LRRC37A: variants seen among roughly 807,000 people sequenced by gnomAD.
The protein encoded by LRRC37A is leucine-rich repeat-containing protein 37A.
Under a neutral mutation model 35.4 loss-of-function variants are expected in LRRC37A, and 3 were observed. The observed-to-expected ratio is 0.08, with a 90% CI of 0.04 to 0.22. LRRC37A has a LOEUF of 0.22. Ranked by LOEUF, LRRC37A falls within the 10% of genes least tolerant of loss-of-function variation. The probability of loss-of-function intolerance (pLI) is 1.00; values close to 1 mark genes in which losing one functional copy is unlikely to be tolerated. For missense variants in LRRC37A, 67 were observed against 565.3 expected (o/e 0.12, Z 8.94); for synonymous variants, 23 against 215.0 (o/e 0.11, Z 7.81).
intron 7 of LRRC37A, among the ~76,000 whole-genome samples, chr17:46,323,922 G>T (rs1238501729): frequency 3.0e-5 from 3 of 99,026 alleles, no homozygotes; most frequent in African/African-American, 9.8e-5. Context: ...ACTGTATTAG[G>T]TACTTAGAGT....
At chr17:46,295,627 G>A in exon 1 of LRRC37A, 1 of 46,142 alleles carries the variant, frequency 2.2e-5, no homozygotes, top group African/African-American at 4.5e-5. Flanking sequence ...GAGATTATTG[G>A]AATTACACGC....
the LRRC37A span, chr17:46,275,450 C>T: frequency 1.2e-6 from 1 of 852,148 alleles, no homozygotes; most frequent in Non-Finnish European, 1.8e-6. Context: ...AACAATTGAG[C>T]ACCTTTCATT....
At chr17:46,292,215 C>G (rs2050092754), upstream of LRRC37A, among the ~76,000 whole-genome samples, 2 of 76,448 alleles carry the variant, frequency 2.6e-5, 1 homozygote, top group South Asian at 1.2e-3. Context: ...ACCTGTAATC[C>G]CAGCTACTTG....
chr17:46,291,715 G>A (rs555499905), upstream of LRRC37A, among the ~76,000 whole-genome samples: 18 of 152,132 alleles, frequency 1.2e-4, no homozygotes, highest in East Asian at 1.9e-3. Context: ...GCTTGAGCCC[G>A]GGAGTTTGAG....
the LRRC37A span, among the ~76,000 whole-genome samples, chr17:46,258,114 T>C: frequency 1.3e-5 from 2 of 152,320 alleles, no homozygotes; most frequent in African/African-American, 4.8e-5. Context: ...ATAGACTGCT[T>C]GAATGTCCTC....
chr17:46,256,099 C>A, the LRRC37A span, among the ~76,000 whole-genome samples: 2 of 152,048 alleles, frequency 1.3e-5, no homozygotes, highest in Non-Finnish European at 2.9e-5. Context: ...AAGAAAAGAC[C>A]AGGTGGTCTG....
chr17:46,258,912 G>A, the LRRC37A span, among the ~76,000 whole-genome samples: 22 of 149,830 alleles, frequency 1.5e-4, no homozygotes, highest in Non-Finnish European at 4.4e-5. Context: ...TAGAGACCGG[G>A]TTTCACCATG....
chr17:46,268,590 T>C, the LRRC37A span: 1 of 1,536,482 alleles, frequency 6.5e-7, no homozygotes, highest in African/African-American at 1.4e-5. Context: ...AGGCCATCTC[T>C]GTCCAGGGGA....
the LRRC37A span, among the ~76,000 whole-genome samples, chr17:46,252,301 C>G: frequency 2.0e-5 from 3 of 151,338 alleles, no homozygotes; most frequent in African/African-American, 7.3e-5. Context: ...ACTTCCTGGG[C>G]TTAAGTGATT....
At chr17:46,259,577 C>T in the LRRC37A span, 258,101 of 1,586,224 alleles carry the variant, frequency 0.16, 8 homozygotes, top group Non-Finnish European at 0.19. Context: ...CCTGCCTCAG[C>T]CCCAGCAGAC....
chr17:46,253,317 C>CAG, the LRRC37A span, among the ~76,000 whole-genome samples: 1 of 151,772 alleles, frequency 6.6e-6, no homozygotes, highest in African/African-American at 2.4e-5. Flanking sequence ...GGCAGCCAGG[C>CAG]AGAGACGCTC....
At chr17:46,275,249 A>G in the LRRC37A span, 2 of 474,876 alleles carry the variant, frequency 4.2e-6, no homozygotes, top group Non-Finnish European at 3.5e-6. Context: ...TTGGACTGTT[A>G]TGACCAATAA....
chr17:46,253,850 T>A, the LRRC37A span, among the ~76,000 whole-genome samples: 1 of 152,230 alleles, frequency 6.6e-6, no homozygotes, highest in Admixed American at 6.5e-5. Flanking sequence ...CTCTACCATT[T>A]GAAAGGAACC....
At chr17:46,284,137 CTAA>C in the LRRC37A span, among the ~76,000 whole-genome samples, 1 of 152,380 alleles carries the variant, frequency 6.6e-6, no homozygotes, top group South Asian at 2.1e-4. Context: ...TCCTCTTATA[CTAA>C]TCCTCCTCAG....
At chr17:46,284,727 G>C in the LRRC37A span, among the ~76,000 whole-genome samples, 17 of 152,222 alleles carry the variant, frequency 1.1e-4, no homozygotes, top group African/African-American at 4.1e-4. Context: ...TACCACAGCT[G>C]ATTAATGATG....
chr17:46,331,137 C>T (rs776394391), exon 9 of LRRC37A: 4 of 728,612 alleles, frequency 5.5e-6, no homozygotes, highest in African/African-American at 5.3e-5. Context: ...AGTGCAAAGG[C>T]TAGAGTTACA....
the LRRC37A span, among the ~76,000 whole-genome samples, chr17:46,272,400 A>C: frequency 6.6e-6 from 1 of 152,308 alleles, no homozygotes; most frequent in East Asian, 1.9e-4. Context: ...GTTCTAAAAA[A>C]TGTATGTTTT....
the LRRC37A span, among the ~76,000 whole-genome samples, chr17:46,279,085 A>C: frequency 6.6e-6 from 1 of 152,212 alleles, no homozygotes; most frequent in African/African-American, 2.4e-5. Context: ...GGCATAAGCC[A>C]CTGTTCCTGG....
chr17:46,249,783 T>C, the LRRC37A span, among the ~76,000 whole-genome samples: 1 of 152,214 alleles, frequency 6.6e-6, no homozygotes, highest in Non-Finnish European at 1.5e-5. Flanking sequence ...CAGAGCCAGA[T>C]GGCTGTCACT....
Sources: gnomAD v4.1 joint callset for allele counts (sites outside exome capture counted in the v4.1 genomes callset) on GRCh38, gnomAD v4.1.1 for gene constraint, MANE v1.5 for transcripts, NCBI Gene and HGNC (gene_info 2026-07-23, HGNC 2026-07-21) for gene names.